The following NR3C2 variants were observed in gnomAD, a reference collection of about 807,000 sequenced individuals.
NR3C2 encodes nuclear receptor subfamily 3 group C member 2, also known as mineralocorticoid receptor.
Under a neutral mutation model 86.4 loss-of-function variants are expected in NR3C2, and 15 were observed. The observed-to-expected ratio is 0.17, with a 90% CI of 0.12 to 0.27. The LOEUF is 0.27. Among genes scored for constraint, NR3C2 ranks in the 10% least tolerant of loss-of-function variants. NR3C2 has a pLI of 1.00. For synonymous variants in NR3C2, 458 were observed against 450.5 expected (o/e 1.02, Z -0.21); for missense variants, 960 against 1,195.6 (o/e 0.80, Z 2.91).
chr4:148,438,101 G>T (rs1359654851), intron 1 of NR3C2, among the ~76,000 whole-genome samples: 1 of 152,176 alleles, frequency 6.6e-6, no homozygotes, highest in Non-Finnish European at 1.5e-5. Flanking sequence ...CCAAGTGTTG[G>T]AGCTGCAATT....
At chr4:148,205,446 T>C (rs1736956303) in intron 3 of NR3C2, among the ~76,000 whole-genome samples, 2 of 145,126 alleles carry the variant, frequency 1.4e-5, no homozygotes, top group South Asian at 4.4e-4. Context: ...CAAACCACTG[T>C]TATCAATTTC....
intron 2 of NR3C2, among the ~76,000 whole-genome samples, chr4:148,338,280 G>GA (rs1487906099): frequency 6.6e-6 from 1 of 152,142 alleles, no homozygotes; most frequent in African/African-American, 2.4e-5. Context: ...TATCTTAGAA[G>GA]AAAATCACTA....
At chr4:148,399,696 A>G (rs72729994) in intron 2 of NR3C2, among the ~76,000 whole-genome samples, 25,863 of 152,014 alleles carry the variant, frequency 0.17, 2,719 homozygotes, top group Non-Finnish European at 0.23. Context: ...ACACACACAC[A>G]CACACACACA....
intron 2 of NR3C2, among the ~76,000 whole-genome samples, chr4:148,278,771 C>T (rs369828421): frequency 3.9e-5 from 6 of 151,902 alleles, no homozygotes; most frequent in Non-Finnish European, 1.5e-5. Flanking sequence ...TACCCACATT[C>T]GTTAACATAT....
At chr4:148,297,889 CAA>C (rs80142284) in intron 2 of NR3C2, among the ~76,000 whole-genome samples, 18 of 103,550 alleles carry the variant, frequency 1.7e-4, no homozygotes, top group East Asian at 2.8e-4. Flanking sequence ...AACTCCGTCT[CAA>C]AAAAAAAAAA....
chr4:148,228,372 AG>A (rs1200226159), intron 3 of NR3C2, among the ~76,000 whole-genome samples: 1 of 152,160 alleles, frequency 6.6e-6, no homozygotes, highest in East Asian at 1.9e-4. Flanking sequence ...TCTTTTATAA[AG>A]CTGCACAGTA....
chr4:148,359,709 A>G (rs1027301806), intron 2 of NR3C2, among the ~76,000 whole-genome samples: 5 of 152,188 alleles, frequency 3.3e-5, no homozygotes, highest in Non-Finnish European at 7.4e-5. Flanking sequence ...CCCCTTTGAG[A>G]AACACGTGCA....
chr4:148,151,202 T>C (rs1338363764), intron 6 of NR3C2, among the ~76,000 whole-genome samples: 3 of 152,204 alleles, frequency 2.0e-5, no homozygotes, highest in Admixed American at 2.0e-4. Flanking sequence ...ATTAAATGGG[T>C]TGTTTTAATG....
intron 8 of NR3C2, among the ~76,000 whole-genome samples, chr4:148,100,668 C>CA (rs1731496111): frequency 6.6e-6 from 1 of 151,990 alleles, no homozygotes; most frequent in Non-Finnish European, 1.5e-5. Flanking sequence ...GGTGTTTCCT[C>CA]AAAAAAATAA....
intron 2 of NR3C2, among the ~76,000 whole-genome samples, chr4:148,366,220 C>G (rs918437613): frequency 9.9e-5 from 15 of 152,132 alleles, no homozygotes; most frequent in African/African-American, 3.6e-4. Context: ...GGTGTATCCA[C>G]ATACAAGGAT....
At chr4:148,265,867 A>C (rs895363027) in intron 2 of NR3C2, among the ~76,000 whole-genome samples, 2 of 152,164 alleles carry the variant, frequency 1.3e-5, no homozygotes, top group Non-Finnish European at 2.9e-5. Flanking sequence ...GGTGGGCCCC[A>C]CTGTTCTAAG....
intron 2 of NR3C2, among the ~76,000 whole-genome samples, chr4:148,300,723 C>A (rs1004524281): frequency 1.3e-5 from 2 of 151,896 alleles, no homozygotes; most frequent in Non-Finnish European, 2.9e-5. Flanking sequence ...CAGGCATGTG[C>A]CACCATGCCC....
At chr4:148,261,184 C>A (rs571127039) in intron 2 of NR3C2, among the ~76,000 whole-genome samples, 6 of 152,032 alleles carry the variant, frequency 3.9e-5, no homozygotes, top group Non-Finnish European at 7.4e-5. Flanking sequence ...CTATGGTCAG[C>A]GCTATGGTGC....
intron 2 of NR3C2, among the ~76,000 whole-genome samples, chr4:148,391,866 CAAAA>C (rs11384324): frequency 9.0e-6 from 1 of 111,708 alleles, no homozygotes. Flanking sequence ...GACTCCATTG[CAAAA>C]AAAAAAAAAA....
rs181681778 is a variant in NR3C2, at chr4:148,294,428, C to T, written c.1758-34311G>A. Reference sequence around the variant, plus strand: ...AGACATTATTATATTTACATTTATACGTTATAGGTTTTTTTCTGTATATAT... The same window carrying T: ...AGACATTATTATATTTACATTTATATGTTATAGGTTTTTTTCTGTATATAT... On this transcript the variant is annotated intron_variant, in intron 2 of 8. Transcript: ENST00000358102. Among the ~76,000 whole-genome samples, 613 of 152,010 alleles carry T rather than the reference C, an allele frequency of 4.0e-3. 20 individuals carry two copies. Among genetic ancestry groups the T allele is most frequent in the Admixed American group, 0.033 (501 of 15,242 alleles).
intron 7 of NR3C2, among the ~76,000 whole-genome samples, chr4:148,117,997 C>T (rs144884424): frequency 1.0e-3 from 159 of 152,318 alleles, no homozygotes; most frequent in African/African-American, 3.7e-3. Context: ...TCAGTTTCCT[C>T]AGTGGCCATT....
chr4:148,256,332 C>T (rs1739829255), intron 3 of NR3C2, among the ~76,000 whole-genome samples: 1 of 152,236 alleles, frequency 6.6e-6, no homozygotes, highest in South Asian at 2.1e-4. Flanking sequence ...TGAAAAATGA[C>T]GACCTAACAA....
intron 3 of NR3C2, among the ~76,000 whole-genome samples, chr4:148,201,935 G>C (rs1037496334): frequency 1.3e-5 from 2 of 152,134 alleles, no homozygotes; most frequent in Non-Finnish European, 2.9e-5. Flanking sequence ...AGTTAGATAT[G>C]AGATATGAAA....
Position 148,249,498 on chromosome 4 carries a change from G to C in NR3C2, c.1897+10480C>G, listed in dbSNP as rs529207841. 3.9e-5 allele frequency among the ~76,000 whole-genome samples: 6 copies of C among 152,228 alleles called. 1 individual carries two copies. The South Asian group carries it at 1.2e-3, about 32-fold the overall frequency. On this transcript the variant is annotated intron_variant, in intron 3 of 8. Coordinates refer to ENST00000358102, the MANE Select transcript of NR3C2 (RefSeq NM_000901.5). ...TGTTGATAGTTATGATGCCCTCCTA[G>C]ATTTGTATTCTTTCATCTTTTGCTT...
Sources: gnomAD v4.1 joint callset for allele counts (sites outside exome capture counted in the v4.1 genomes callset) on GRCh38, gnomAD v4.1.1 for gene constraint, MANE v1.5 for transcripts, NCBI Gene and HGNC (gene_info 2026-07-23, HGNC 2026-07-21) for gene names.